SLC5A3: variants seen among roughly 807,000 people sequenced by gnomAD.
The protein encoded by SLC5A3 is solute carrier family 5 member 3.
Under a neutral mutation model 43.2 loss-of-function variants are expected in SLC5A3, and 10 were observed. The ratio of observed to expected loss-of-function variants is 0.23; its 90% CI spans 0.14 to 0.39. SLC5A3 has a LOEUF of 0.39. Ranked by LOEUF, SLC5A3 falls within the 10% of genes least tolerant of loss-of-function variation. The probability of loss-of-function intolerance (pLI) is 1.00; values close to 1 mark genes in which losing one functional copy is unlikely to be tolerated. For synonymous variants in SLC5A3, 349 were observed against 322.0 expected (o/e 1.08, Z -0.90); for missense variants, 608 against 893.4 (o/e 0.68, Z 4.07).
intron 1 of SLC5A3, among the ~76,000 whole-genome samples, chr21:34,086,461 C>G (rs1008520358): frequency 6.6e-6 from 1 of 151,724 alleles, no homozygotes; most frequent in Non-Finnish European, 1.5e-5. Context: ...TTACATTAGT[C>G]CTTTTGCATC....
In SLC5A3 at chr21:34,085,053, A is replaced by G. The variant is rs566752571; in HGVS notation, c.-336-9810A>G. 7.9e-5 allele frequency among the ~76,000 whole-genome samples: 12 copies of G among 152,340 alleles called. No homozygotes were observed. In the East Asian group the frequency reaches 2.1e-3, roughly 27 times the overall value. On this transcript the variant is annotated intron_variant, in intron 1 of 1. Transcript: ENST00000381151. Reference sequence around the variant, plus strand: ...GGACATTGATACGATACTACCACCAAATATTCAATTCATATAGAAATTTAC... The same window carrying G: ...GGACATTGATACGATACTACCACCAGATATTCAATTCATATAGAAATTTAC...
chr21:34,100,622 G>A lies in SLC5A3; in HGVS notation c.*3267G>A. ...TTAGGGATGATACCTCAAGAAATTA[G>A]CTGGGACCCATCACTCTGTGAAACT... is the stretch of plus-strand genomic sequence containing the variant. On this transcript the variant is annotated 3_prime_UTR_variant, in exon 2 of 2. Coordinates refer to ENST00000381151, the MANE Select transcript of SLC5A3 (RefSeq NM_006933.7). 6.0e-6 allele frequency: 6 copies of A among 1,000,220 alleles called. No individual in the cohort carries two copies. The highest frequency in any genetic ancestry group is 7.2e-6 in the Non-Finnish European group (6 of 829,976). The allele number at this position is 1,000,220 out of a possible 1,614,324, so 62.0% of individuals were successfully genotyped here. A position where few individuals can be genotyped will look rare whatever the true frequency, so the allele number is the denominator to read the frequency against.
At chr21:34,082,295 A>T (rs751106936) in intron 1 of SLC5A3, among the ~76,000 whole-genome samples, 1 of 152,168 alleles carries the variant, frequency 6.6e-6, no homozygotes, top group Non-Finnish European at 1.5e-5. Flanking sequence ...GAAAGTATCT[A>T]TAGTTTCGGA....
At position 34,097,311 on chromosome 21, in the gene SLC5A3, G is replaced by A; in HGVS notation, c.2113G>A (p.Val705Met). ...KVILNIGLFA[V>M]CSLGIFMFVY... ...AATACTAAATATTGGACTTTTTGCTGTGTGTTCACTTGGAATTTTCATGTT... is the reference window on the plus strand; with the variant it reads ...AATACTAAATATTGGACTTTTTGCTATGTGTTCACTTGGAATTTTCATGTT... The change falls in exon 2 of 2, where the codon GTG (valine) becomes ATG (methionine). Residue 705 changes from valine to methionine, a missense_variant. Around this residue, in one of 2 missense-constraint regions of SLC5A3, gnomAD observed 210 missense variants for 224.8 expected, o/e 0.93. Transcript: ENST00000381151. The A allele has an allele frequency of 6.2e-7, 1 of 1,610,204 alleles. No homozygotes were observed. Among genetic ancestry groups the A allele is most frequent in the African/African-American group, 1.3e-5 (1 of 74,690 alleles).
At position 34,073,928 on chromosome 21, in the gene SLC5A3, C is replaced by T. The variant is rs866605004; in HGVS notation, c.-337+183C>T. Among the ~76,000 whole-genome samples, 865 of 145,300 alleles carry T rather than the reference C, an allele frequency of 6.0e-3. 7 individuals carry two copies. Among genetic ancestry groups the T allele is most frequent in the African/African-American group, 0.02 (832 of 40,638 alleles). ...GGGGCGCGCGTGGGCCGGCCGGGCC[C>T]GGCCGCGTGCGCGCGGGAGGCGGGG... On this transcript the variant is annotated intron_variant, in intron 1 of 1. Transcript: ENST00000381151.
chr21:34,084,733 T>C (rs767861987), intron 1 of SLC5A3, among the ~76,000 whole-genome samples: 1 of 152,180 alleles, frequency 6.6e-6, no homozygotes, highest in Non-Finnish European at 1.5e-5. Flanking sequence ...AATTTTGTAT[T>C]GTACCTATCA....
Position 34,103,991 on chromosome 21 carries a change from T to G in SLC5A3, c.*6636T>G, listed in dbSNP as rs139551358. ...GATTGGGGTTTTTTGTAAAAAATCT[T>G]AAATCTTTTAGGAAATATTACCTCT... On this transcript the variant is annotated 3_prime_UTR_variant, in exon 2 of 2. Coordinates refer to ENST00000381151, the MANE Select transcript of SLC5A3 (RefSeq NM_006933.7). 18 of 1,000,166 alleles carry G rather than the reference T, an allele frequency of 1.8e-5. No individual in the cohort carries two copies. The East Asian group carries it at 2.0e-3, about 113-fold the overall frequency. The allele number at this position is 1,000,166 out of a possible 1,614,324, so 62.0% of individuals were successfully genotyped here.
rs1979293656 is a variant in SLC5A3, at chr21:34,102,576, A to G, written c.*5221A>G. On this transcript the variant is annotated 3_prime_UTR_variant, in exon 2 of 2. Coordinates refer to ENST00000381151, the MANE Select transcript of SLC5A3 (RefSeq NM_006933.7). ...CTTTACTTTTTGGGCAGTACCATAC[A>G]TAGTCTGAGGCTATTGACTTAAACC... is the stretch of plus-strand genomic sequence containing the variant. 13 of 1,000,124 alleles carry G rather than the reference A, an allele frequency of 1.3e-5. No individual in the cohort carries two copies. The highest frequency in any genetic ancestry group is 1.6e-5 in the Non-Finnish European group (13 of 829,854). The allele number at this position is 1,000,124 out of a possible 1,614,324, so 62.0% of individuals were successfully genotyped here. A position where few individuals can be genotyped will look rare whatever the true frequency, so the allele number is the denominator to read the frequency against.
chr21:34,081,400 T>C (rs376242808), intron 1 of SLC5A3, among the ~76,000 whole-genome samples: 28 of 152,348 alleles, frequency 1.8e-4, no homozygotes, highest in African/African-American at 6.3e-4. Context: ...TACGTATATA[T>C]AGTTTTATGA....
intron 1 of SLC5A3, among the ~76,000 whole-genome samples, chr21:34,077,264 T>C (rs1295596936): frequency 6.6e-6 from 1 of 152,194 alleles, no homozygotes; most frequent in Admixed American, 6.5e-5. Context: ...TAGAGGAGCT[T>C]AGGAAAAAAA....
At chr21:34,080,456 C>T (rs1432223316) in intron 1 of SLC5A3, among the ~76,000 whole-genome samples, 1 of 152,220 alleles carries the variant, frequency 6.6e-6, no homozygotes, top group East Asian at 1.9e-4. Context: ...GTGCCGGCAT[C>T]ATGCTGTTTT....
In SLC5A3 at chr21:34,105,137, A is replaced by T. The variant is rs1169975583; in HGVS notation, c.*7782A>T. Reference sequence around the variant, plus strand: ...CCATTAGTGTCAGATGATGGTATGGAATTTGTTCCCTTGCTTTCCCCCACT... The same window carrying T: ...CCATTAGTGTCAGATGATGGTATGGTATTTGTTCCCTTGCTTTCCCCCACT... On this transcript the variant is annotated 3_prime_UTR_variant, in exon 2 of 2. Coordinates refer to ENST00000381151, the MANE Select transcript of SLC5A3 (RefSeq NM_006933.7). 1 of 1,000,082 alleles carries T rather than the reference A, an allele frequency of 1.0e-6. No homozygotes were observed. The highest frequency in any genetic ancestry group is 1.2e-6 in the Non-Finnish European group (1 of 829,918). The allele number at this position is 1,000,082 out of a possible 1,614,324, so 62.0% of individuals were successfully genotyped here. A position where few individuals can be genotyped will look rare whatever the true frequency, so the allele number is the denominator to read the frequency against.
chr21:34,074,933 A>G (rs1192501653), intron 1 of SLC5A3, among the ~76,000 whole-genome samples: 4 of 152,200 alleles, frequency 2.6e-5, no homozygotes, highest in Non-Finnish European at 5.9e-5. Context: ...GTGCCTCTCT[A>G]TGAGGTCCAG....
chr21:34,106,212 T>C lies in SLC5A3; in HGVS notation c.*8857T>C. On this transcript the variant is annotated 3_prime_UTR_variant, in exon 2 of 2. Transcript: ENST00000381151. ...TAACTGAAGTATAGTAATTATTTTA[T>C]GGAAATGTTAGCAATTCTGTACCAA... 1.0e-6 allele frequency: 1 copy of C among 971,962 alleles called. No individual in the cohort carries two copies. Among genetic ancestry groups the C allele is most frequent in the Non-Finnish European group, 1.2e-6 (1 of 804,090 alleles). 60.2% of individuals were successfully genotyped at this position (971,962 alleles called of 1,614,324 possible). A position where few individuals can be genotyped will look rare whatever the true frequency, so the allele number is the denominator to read the frequency against.
chr21:34,095,928 A>G lies in SLC5A3; in HGVS notation c.730A>G (p.Lys244Glu). Residue 244 changes from lysine to glutamate, a missense_variant, in exon 2 of 2, where the codon AAG becomes GAG. Physicochemically the swap from Lys to Glu is moderately conservative, Grantham distance 56 (BLOSUM62 1). Around this residue, in one of 2 missense-constraint regions of SLC5A3, gnomAD observed 398 missense variants for 668.6 expected, o/e 0.60. Transcript: ENST00000381151. ...SNTNSCNVSP[K>E]KEALKMLRNP... Reference sequence around the variant, plus strand: ...CACAAATTCTTGTAATGTCTCCCCTAAGAAAGAAGCCCTGAAAATGCTGCG... The same window carrying G: ...CACAAATTCTTGTAATGTCTCCCCTGAGAAAGAAGCCCTGAAAATGCTGCG... 6.2e-7 allele frequency: 1 copy of G among 1,614,096 alleles called. No individual in the cohort carries two copies. The highest frequency in any genetic ancestry group is 8.5e-7 in the Non-Finnish European group (1 of 1,179,968).
Position 34,101,059 on chromosome 21 carries a change from T to G in SLC5A3, c.*3704T>G. 1 of 1,000,146 alleles carries G rather than the reference T, an allele frequency of 1.0e-6. No individual in the cohort carries two copies. Among genetic ancestry groups the G allele is most frequent in the Non-Finnish European group, 1.2e-6 (1 of 829,924 alleles). The allele number at this position is 1,000,146 out of a possible 1,614,324, so 62.0% of individuals were successfully genotyped here. A position where few individuals can be genotyped will look rare whatever the true frequency, so the allele number is the denominator to read the frequency against. On this transcript the variant is annotated 3_prime_UTR_variant, in exon 2 of 2. Coordinates refer to ENST00000381151, the MANE Select transcript of SLC5A3 (RefSeq NM_006933.7). ...TGTTTCCTAGGTTTGGATAGAGAGA[T>G]GTATACAAGACCTTTCCTGTTAAAT...
rs1050460488 is a variant in SLC5A3, at chr21:34,105,474, A to G, written c.*8119A>G. The G allele has an allele frequency of 2.0e-6, 2 of 999,590 alleles. No homozygotes were observed. Among genetic ancestry groups the G allele is most frequent in the African/African-American group, 3.5e-5 (2 of 57,200 alleles). The allele number at this position is 999,590 out of a possible 1,614,324, so 61.9% of individuals were successfully genotyped here. The stretch of plus-strand genomic sequence containing the variant: ...CAGCAGAGTGCTGCTGCTTTTATCT[A>G]GTAATTTTGATATGTAAGTATTAAT... On this transcript the variant is annotated 3_prime_UTR_variant, in exon 2 of 2. Coordinates refer to ENST00000381151, the MANE Select transcript of SLC5A3 (RefSeq NM_006933.7).
At chr21:34,086,379 G>A (rs752137687) in intron 1 of SLC5A3, among the ~76,000 whole-genome samples, 24 of 152,142 alleles carry the variant, frequency 1.6e-4, no homozygotes, top group Non-Finnish European at 4.4e-5. Context: ...CCTTTCTCCT[G>A]AAAATTGTAG....
chr21:34,089,462 G>C (rs1216906314), intron 1 of SLC5A3, among the ~76,000 whole-genome samples: 1 of 151,808 alleles, frequency 6.6e-6, no homozygotes, highest in Non-Finnish European at 1.5e-5. Context: ...ATATCTACAA[G>C]GTCTTATTTC....
Sources: allele counts gnomAD v4.1 joint callset (sites outside exome capture counted in the v4.1 genomes callset), GRCh38; gene constraint gnomAD v4.1.1; regional missense constraint gnomAD v4.1.1; transcripts MANE v1.5; gene names NCBI Gene and HGNC (gene_info 2026-07-23, HGNC 2026-07-21).